EIF4A3: variants seen among roughly 807,000 people sequenced by gnomAD.
The protein encoded by EIF4A3 is eukaryotic initiation factor 4A-III.
A neutral mutation model predicts 55.6 loss-of-function variants in EIF4A3; 1 was observed. The ratio of observed to expected loss-of-function variants is 0.02; its 90% CI spans 0.01 to 0.09. The LOEUF (loss-of-function observed/expected upper bound fraction) is 0.09. EIF4A3 is among the 10% of genes least tolerant of loss of function. The pLI is 1.00. For synonymous variants in EIF4A3, 194 were observed against 196.3 expected (o/e 0.99, Z 0.10); for missense variants, 221 against 540.7 (o/e 0.41, Z 5.86).
chr17:80,135,515 GAAGA>G lies in EIF4A3; in HGVS notation c.1220-13_1220-10del, dbSNP rs771203677. The G allele has an allele frequency of 1.2e-5, 18 of 1,555,148 alleles. No individual in the cohort carries two copies. Among genetic ancestry groups the G allele is most frequent in the East Asian group, 9.6e-5 (4 of 41,794 alleles). On this transcript the variant is annotated splice_polypyrimidine_tract_variant and intron_variant, in intron 11 of 11. Transcript: ENST00000649764. ...TCAGATAAGATCAGCAACTGAAAGT[GAAGA>G]AAGAAACAGATTAAGGAACAACACA...
chr17:80,141,965 C>A, intron 2 of EIF4A3, 117 bp from the exon 3 acceptor site: 1 of 719,166 alleles, frequency 1.4e-6, no homozygotes, highest in Admixed American at 2.5e-5. Context: ...GCCCCCGTAC[C>A]TAATAACATC....
At chr17:80,136,163 T>C (rs1053691017) in intron 10 of EIF4A3, 32 bp from the exon 11 acceptor site, 1 of 1,613,554 alleles carries the variant, frequency 6.2e-7, no homozygotes, top group African/African-American at 1.3e-5. Context: ...ACAGTTAGTA[T>C]ATATAACAAT....
At chr17:80,141,572 G>T in intron 3 of EIF4A3, 191 bp from the exon 4 acceptor site, 1 of 730,222 alleles carries the variant, frequency 1.4e-6, no homozygotes, top group Non-Finnish European at 2.2e-6. Context: ...ATCCTCGTCT[G>T]CAGACAAGAG....
chr17:80,139,246 G>A, intron 6 of EIF4A3, 84 bp from the exon 7 acceptor site: 1 of 1,550,422 alleles, frequency 6.4e-7, no homozygotes, highest in South Asian at 1.2e-5. Context: ...TTCCCACTGG[G>A]TTAGAGGCAG....
At position 80,137,128 on chromosome 17, in the gene EIF4A3, G is replaced by A. The variant is rs1250368425; in HGVS notation, c.983+258C>T. ...GAACAGAAAACCCCCCTACTTACTGGAAAAGAAGACACACGCTTGTAACCA... is the reference window on the plus strand; with the variant it reads ...GAACAGAAAACCCCCCTACTTACTGAAAAAGAAGACACACGCTTGTAACCA... On this transcript the variant is annotated intron_variant, in intron 9 of 11. Coordinates refer to ENST00000649764, the MANE Select transcript of EIF4A3 (RefSeq NM_014740.4). 1.2e-5 allele frequency: 4 copies of A among 344,720 alleles called. No homozygotes were observed. The South Asian group carries it at 2.9e-4, about 25-fold the overall frequency. The allele number at this position is 344,720 out of a possible 1,614,324, so 21.4% of individuals were successfully genotyped here. A position where few individuals can be genotyped will look rare whatever the true frequency, so the allele number is the denominator to read the frequency against.
chr17:80,135,930 A>T, intron 11 of EIF4A3, 74 bp downstream of exon 11: 4 of 1,553,754 alleles, frequency 2.6e-6, no homozygotes, highest in Non-Finnish European at 3.5e-6. Context: ...CAACAAAAAA[A>T]CAAACTCAGG....
At chr17:80,139,335 C>T (rs2039599368) in intron 6 of EIF4A3, 173 bp from the exon 7 acceptor site, 2 of 814,606 alleles carry the variant, frequency 2.5e-6, no homozygotes, top group Non-Finnish European at 3.7e-6. Flanking sequence ...TCCGTCCCTA[C>T]TCCCCGCCCA....
At chr17:80,141,524 T>C in intron 3 of EIF4A3, 143 bp from the exon 4 acceptor site, 1 of 964,598 alleles carries the variant, frequency 1.0e-6, no homozygotes, top group Non-Finnish European at 1.5e-6. Flanking sequence ...AATATTGTCA[T>C]TTAAATTGCA....
intron 5 of EIF4A3, 128 bp from the exon 6 acceptor site, chr17:80,139,878 T>C (rs2143991335): frequency 6.7e-7 from 1 of 1,503,104 alleles, no homozygotes; most frequent in Admixed American, 2.0e-5. Flanking sequence ...ACCTTCCCTC[T>C]ACCTCCTGCA....
intron 7 of EIF4A3, 133 bp from the exon 8 acceptor site, chr17:80,138,413 C>T: frequency 9.8e-7 from 1 of 1,023,928 alleles, no homozygotes; most frequent in Non-Finnish European, 1.4e-6. Context: ...CCAGCAGCCC[C>T]AGCCCTGTCC....
At chr17:80,139,942 T>C in intron 5 of EIF4A3, 66 bp downstream of exon 5, 3 of 1,581,948 alleles carry the variant, frequency 1.9e-6, no homozygotes, top group Non-Finnish European at 2.6e-6. Context: ...AAAGCTGTCC[T>C]GTACCATTTA....
chr17:80,142,225 G>A (rs58120535), intron 2 of EIF4A3, among the ~76,000 whole-genome samples: 39,090 of 152,080 alleles, frequency 0.26, 5,168 homozygotes, highest in East Asian at 0.35. Flanking sequence ...TTTGAAATTA[G>A]GCAAACGAGG....
intron 4 of EIF4A3, 80 bp from the exon 5 acceptor site, chr17:80,140,220 C>A: frequency 7.1e-7 from 1 of 1,401,434 alleles, no homozygotes. Context: ...TGTTTCTCCT[C>A]CGAGATGATC....
Position 80,142,079 on chromosome 17 carries a change from G to A in EIF4A3, c.243-231C>T, listed in dbSNP as rs74003639. On this transcript the variant is annotated intron_variant, in intron 2 of 11. Transcript: ENST00000649764. ...TCTGCACGGGGGCAATGGAGCCACAGACTCTCTAACTTCAAGAGGTGTTTC... is the reference window on the plus strand; with the variant it reads ...TCTGCACGGGGGCAATGGAGCCACAAACTCTCTAACTTCAAGAGGTGTTTC... Among the ~76,000 whole-genome samples, 1,362 of 152,320 alleles carry A rather than the reference G, an allele frequency of 8.9e-3. 21 individuals carry two copies. Among genetic ancestry groups the A allele is most frequent in the African/African-American group, 0.031 (1,286 of 41,560 alleles).
At chr17:80,139,858 G>T in intron 5 of EIF4A3, 108 bp from the exon 6 acceptor site, 1 of 1,491,858 alleles carries the variant, frequency 6.7e-7, no homozygotes, top group Non-Finnish European at 9.1e-7. Context: ...CTGGTCTCAG[G>T]GTTCCAGAGA....
chr17:80,146,767 G>C (rs1450269758), intron 1 of EIF4A3, 26 bp downstream of exon 1: 2 of 1,597,914 alleles, frequency 1.3e-6, no homozygotes, highest in Non-Finnish European at 1.7e-6. Flanking sequence ...GCCCCCGGCT[G>C]GCCCCCGCGG....
At chr17:80,138,994 A>C (rs1197703356) in intron 7 of EIF4A3, 27 bp downstream of exon 7, 1 of 1,611,474 alleles carries the variant, frequency 6.2e-7, no homozygotes, top group East Asian at 2.2e-5. Context: ...CCAGTGTTTT[A>C]GTAAACTTGA....
rs754509369 is a variant in EIF4A3 at position 80,146,992 on chromosome 17, CGCCGCTGCCGACCTCGCT to C, written c.-49_-32del. The stretch of plus-strand genomic sequence containing the variant: ...AGAGTCCGCGGAAGAGCACAGCGCG[CGCCGCTGCCGACCTCGCT>C]GCCGCTGCCGACCTCGCTGTGCCGC... On this transcript the variant is annotated 5_prime_UTR_variant, in exon 1 of 12. Transcript: ENST00000649764. 3.8e-3 allele frequency: 5,856 copies of C among 1,540,946 alleles called. 136 individuals carry two copies. The highest frequency in any genetic ancestry group is 0.014 in the African/African-American group (974 of 68,730).
rs573871319 is a variant in EIF4A3 at position 80,147,108 on chromosome 17, T to C, written c.-147A>G. 364 of 1,199,344 alleles carry C rather than the reference T, an allele frequency of 3.0e-4. 6 individuals carry two copies. Among genetic ancestry groups the C allele is most frequent in the African/African-American group, 2.3e-3 (141 of 60,180 alleles). The allele number at this position is 1,199,344 out of a possible 1,614,324, so 74.3% of individuals were successfully genotyped here. A position where few individuals can be genotyped will look rare whatever the true frequency, so the allele number is the denominator to read the frequency against. On this transcript the variant is annotated 5_prime_UTR_variant, in exon 1 of 12. Coordinates refer to ENST00000649764, the MANE Select transcript of EIF4A3 (RefSeq NM_014740.4). ...CGCTGTGCCGCTGCCGACCTCGCTG[T>C]GCCGCTGCCGACCTCGCTGTGCCGC...
Sources: gnomAD v4.1 joint callset for allele counts (sites outside exome capture counted in the v4.1 genomes callset) on GRCh38, gnomAD v4.1.1 for gene constraint, MANE v1.5 for transcripts, NCBI Gene and HGNC (gene_info 2026-07-23, HGNC 2026-07-21) for gene names.